Variants in SNAPC3 observed in about 807,000 individuals in gnomAD.
SNAPC3 encodes snRNA-activating protein complex subunit 3.
In SNAPC3, 56 loss-of-function variants were observed where a neutral mutation model predicts 47.7. The ratio of observed to expected loss-of-function variants is 1.18; its 90% CI spans 0.95 to 1.47. SNAPC3 has a LOEUF of 1.47. SNAPC3 is among the 40% of genes most tolerant of loss of function. The probability of loss-of-function intolerance (pLI) is 0.00; values close to 1 mark genes in which losing one functional copy is unlikely to be tolerated. For missense variants in SNAPC3, 665 were observed against 511.3 expected, an observed-to-expected ratio of 1.30 and a Z score of -2.90; for synonymous variants, 235 against 189.9, an observed-to-expected ratio of 1.24 and a Z score of -1.95.
intron 3 of SNAPC3, among the ~76,000 whole-genome samples, chr9:15,435,467 G>C (rs951835901): frequency 4.6e-5 from 7 of 152,084 alleles, no homozygotes; most frequent in Admixed American, 2.6e-4. Flanking sequence ...CAGCTACTCG[G>C]GAGACTGAAA....
At chr9:15,455,863 T>C (rs1487502473) in intron 7 of SNAPC3, among the ~76,000 whole-genome samples, 1 of 151,608 alleles carries the variant, frequency 6.6e-6, no homozygotes, top group Non-Finnish European at 1.5e-5. Flanking sequence ...CTTGTCCGGC[T>C]AATTTTTGTA....
rs763412909 is a variant in SNAPC3 at position 15,453,159 on chromosome 9, T to C, written c.934T>C (p.Cys312Arg). ...TAAACTGGGTTTTCCTTACTTATAC[T>C]GTCATCAGGGAGACTGTGAACATGT... ...CIKLGFPYLY[C>R]HQGDCEHVIV... Residue 312 changes from cysteine to arginine, a missense_variant, in exon 7 of 9, where the codon TGT (cysteine) becomes CGT (arginine). Cys to Arg is a radical substitution (Grantham distance 180, BLOSUM62 -3). Coordinates refer to ENST00000380821, the MANE Select transcript of SNAPC3 (RefSeq NM_001039697.2). 22 of 1,613,212 alleles carry C rather than the reference T, an allele frequency of 1.4e-5. No homozygotes were observed. Among genetic ancestry groups the C allele is most frequent in the Non-Finnish European group, 1.9e-5 (22 of 1,179,194 alleles).
intron 5 of SNAPC3, 131 bp from the exon 6 acceptor site, chr9:15,451,189 T>G: frequency 2.8e-6 from 1 of 352,032 alleles, no homozygotes; most frequent in Non-Finnish European, 4.8e-6. Context: ...TAGGGTAAAA[T>G]TGAAAATAGT....
chr9:15,442,320 G>A (rs1174784705), intron 3 of SNAPC3, among the ~76,000 whole-genome samples: 2 of 150,950 alleles, frequency 1.3e-5, no homozygotes, highest in East Asian at 3.9e-4. Context: ...TCCCGGACAG[G>A]GAGGCTGGCT....
chr9:15,433,687 G>A (rs1483147163), intron 3 of SNAPC3, 51 bp downstream of exon 3: 10 of 1,143,734 alleles, frequency 8.7e-6, no homozygotes, highest in East Asian at 2.3e-5. Context: ...ACAGTAAACC[G>A]ACATTGGCTG....
chr9:15,424,473 T>C (rs750768574), intron 2 of SNAPC3, among the ~76,000 whole-genome samples: 87 of 152,338 alleles, frequency 5.7e-4, no homozygotes, highest in Admixed American at 2.9e-3. Flanking sequence ...ATTTTTAATC[T>C]TTGACAGATT....
At chr9:15,464,788 T>C (rs1017445192), downstream of SNAPC3, 44 of 206,316 alleles carry the variant, frequency 2.1e-4, no homozygotes, top group African/African-American at 8.4e-4. Flanking sequence ...CATTCCTATA[T>C]ATACCCAGTC....
intron 8 of SNAPC3, among the ~76,000 whole-genome samples, chr9:15,459,160 C>T (rs932625375): frequency 2.0e-5 from 3 of 152,080 alleles, no homozygotes; most frequent in East Asian, 3.9e-4. Context: ...TCAAACATAC[C>T]ATACAATAGC....
intron 3 of SNAPC3, 120 bp downstream of exon 3, chr9:15,433,756 T>A: frequency 1.8e-6 from 1 of 571,114 alleles, no homozygotes; most frequent in Non-Finnish European, 3.0e-6. Context: ...GAAAACAAAC[T>A]AGAGAAACTC....
chr9:15,425,937 C>T (rs766917981), intron 2 of SNAPC3, among the ~76,000 whole-genome samples: 32 of 152,308 alleles, frequency 2.1e-4, no homozygotes, highest in South Asian at 8.3e-4. Flanking sequence ...TCCCGGCTCA[C>T]GGCAACCTCC....
downstream of SNAPC3, chr9:15,465,322 A>G: frequency 1.9e-6 from 1 of 515,254 alleles, no homozygotes; most frequent in Non-Finnish European, 3.4e-6. Context: ...CATTTACTGT[A>G]TAATGTAGCT....
At chr9:15,430,981 T>C (rs963554325) in intron 2 of SNAPC3, among the ~76,000 whole-genome samples, 7 of 152,326 alleles carry the variant, frequency 4.6e-5, no homozygotes, top group East Asian at 1.9e-4. Context: ...TTAAATACTT[T>C]TCTTTTGCCA....
chr9:15,435,047 C>G (rs1157161333), intron 3 of SNAPC3, among the ~76,000 whole-genome samples: 2 of 152,012 alleles, frequency 1.3e-5, no homozygotes, highest in African/African-American at 4.8e-5. Flanking sequence ...CATGAAGGTT[C>G]CAATTTCTCC....
chr9:15,442,220 C>T (rs929651005), intron 3 of SNAPC3, among the ~76,000 whole-genome samples: 9 of 148,226 alleles, frequency 6.1e-5, no homozygotes, highest in East Asian at 2.1e-4. Flanking sequence ...CACCTCCCTC[C>T]GGGACGGGGC....
At chr9:15,423,799 G>C in intron 1 of SNAPC3, 110 bp from the exon 2 acceptor site, 2 of 551,900 alleles carry the variant, frequency 3.6e-6, no homozygotes, top group Middle Eastern at 2.8e-4. Context: ...CCGCCTGCTG[G>C]ATTTTATCTG....
chr9:15,450,550 A>G (rs903367105), intron 5 of SNAPC3, among the ~76,000 whole-genome samples: 1 of 152,236 alleles, frequency 6.6e-6, no homozygotes, highest in Non-Finnish European at 1.5e-5. Context: ...TCACAAAGCT[A>G]GTAAGTGGTA....
At chr9:15,454,303 GA>G (rs1284417263) in intron 7 of SNAPC3, among the ~76,000 whole-genome samples, 5 of 151,812 alleles carry the variant, frequency 3.3e-5, no homozygotes, top group African/African-American at 9.7e-5. Context: ...TGGTCTTACT[GA>G]CTCTTCTCCA....
intron 3 of SNAPC3, chr9:15,433,868 C>G: frequency 2.8e-6 from 1 of 359,700 alleles, no homozygotes; most frequent in Non-Finnish European, 4.9e-6. Context: ...TTGGTTTTAT[C>G]TTGCTTTCGG....
At chr9:15,466,183 G>T (rs2035612359), downstream of SNAPC3, among the ~76,000 whole-genome samples, 1 of 152,176 alleles carries the variant, frequency 6.6e-6, no homozygotes, top group East Asian at 1.9e-4. Flanking sequence ...TTCGAGGCCG[G>T]GCTGGCCAAC....
Sources: allele counts gnomAD v4.1 joint callset (sites outside exome capture counted in the v4.1 genomes callset), GRCh38; gene constraint gnomAD v4.1.1; transcripts MANE v1.5; gene names NCBI Gene and HGNC (gene_info 2026-07-23, HGNC 2026-07-21).